Variants in CSMD1 observed in about 807,000 individuals in gnomAD.
The protein encoded by CSMD1 is CUB and sushi domain-containing protein 1.
CSMD1 carries 213 observed loss-of-function variants against 417.5 expected under a neutral mutation model. That is an observed-to-expected ratio of 0.51 (90% CI 0.46 to 0.57). The LOEUF is 0.57. Among genes scored for constraint, CSMD1 ranks in the 20% least tolerant of loss-of-function variants. The probability of loss-of-function intolerance (pLI) is 0.00; values close to 1 mark genes in which losing one functional copy is unlikely to be tolerated. For synonymous variants in CSMD1, 2,862 were observed against 1,736.8 expected (o/e 1.65, Z -16.11); for missense variants, 6,923 against 4,529.7 (o/e 1.53, Z -15.17).
chr8:4,839,522 G>A lies in CSMD1; in HGVS notation c.85+154810C>T, dbSNP rs542010111. ...AACTGTGATTTTTTCTGGGGCTCTG[G>A]GAGCAATTTCTTTTTCCACAAGAAT... On this transcript the variant is annotated intron_variant, in intron 1 of 69. Coordinates refer to ENST00000635120, the MANE Select transcript of CSMD1 (RefSeq NM_033225.6). Among the ~76,000 whole-genome samples, 37 of 152,164 alleles carry A rather than the reference G, an allele frequency of 2.4e-4. No individual in the cohort carries two copies. The South Asian group carries it at 7.1e-3, about 29-fold the overall frequency.
Position 3,819,663 on chromosome 8 carries a change from G to A in CSMD1, c.819-65621C>T, listed in dbSNP as rs1055433729. On this transcript the variant is annotated intron_variant, in intron 5 of 69. Transcript: ENST00000635120. ...CAGTGGAGCAATCATGACTCACTGC[G>A]GCCTTGGCCTACTGGGGGTCTTAGG... Among the ~76,000 whole-genome samples the A allele has an allele frequency of 7.2e-5, 11 of 151,998 alleles. No individual in the cohort carries two copies. The South Asian group carries it at 8.3e-4, about 11-fold the overall frequency.
At chr8:4,167,441 C>A (rs1289828817) in intron 3 of CSMD1, among the ~76,000 whole-genome samples, 1 of 152,098 alleles carries the variant, frequency 6.6e-6, no homozygotes, top group African/African-American at 2.4e-5. Context: ...GAAATGTTAA[C>A]ACACTGGAAT....
intron 41 of CSMD1, among the ~76,000 whole-genome samples, chr8:3,136,088 A>T (rs1370785057): frequency 6.6e-6 from 1 of 152,036 alleles, no homozygotes; most frequent in South Asian, 2.1e-4. Flanking sequence ...AACATCCTGG[A>T]TCTTTGTCCC....
intron 4 of CSMD1, among the ~76,000 whole-genome samples, chr8:3,999,991 G>C (rs1175983876): frequency 1.3e-5 from 2 of 152,230 alleles, no homozygotes; most frequent in Non-Finnish European, 2.9e-5. Flanking sequence ...CCACGGTAGT[G>C]TTTCCTTTTA....
chr8:4,420,345 G>A (rs894542644), intron 2 of CSMD1, among the ~76,000 whole-genome samples: 1 of 151,684 alleles, frequency 6.6e-6, no homozygotes, highest in African/African-American at 2.4e-5. Context: ...CTCGTTTTTG[G>A]ATGGCAATTA....
intron 13 of CSMD1, among the ~76,000 whole-genome samples, chr8:3,408,459 A>G (rs1250070640): frequency 6.6e-6 from 1 of 151,300 alleles, no homozygotes; most frequent in Non-Finnish European, 1.5e-5. Context: ...AATCAAGCAC[A>G]AGCGTGGTTC....
chr8:4,927,728 G>A lies in CSMD1; in HGVS notation c.85+66604C>T, dbSNP rs1227147259. ...TATGTCAGATGATACTTATCTGCAA[G>A]TTAACATAAATAGGACTTGGCAAAT... On this transcript the variant is annotated intron_variant, in intron 1 of 69. Transcript: ENST00000635120. 2.6e-5 allele frequency among the ~76,000 whole-genome samples: 4 copies of A among 152,130 alleles called. No homozygotes were observed. In the East Asian group the frequency reaches 7.7e-4, roughly 29 times the overall value.
At chr8:3,775,788 T>C (rs1359607082) in intron 5 of CSMD1, among the ~76,000 whole-genome samples, 1 of 152,230 alleles carries the variant, frequency 6.6e-6, no homozygotes, top group Non-Finnish European at 1.5e-5. Context: ...CCACGAAGCA[T>C]TGCTGGGTGC....
chr8:3,964,496 C>G (rs995139595), intron 5 of CSMD1, among the ~76,000 whole-genome samples: 4 of 152,144 alleles, frequency 2.6e-5, no homozygotes, highest in African/African-American at 7.2e-5. Flanking sequence ...TATTCTCTTT[C>G]TAGCCTGCCA....
chr8:3,563,246 C>G (rs183246744), intron 10 of CSMD1, among the ~76,000 whole-genome samples: 1 of 151,286 alleles, frequency 6.6e-6, no homozygotes, highest in African/African-American at 2.4e-5. Context: ...CCGCACAAAC[C>G]GGGATTTTAG....
chr8:4,451,399 G>A (rs925900446), intron 2 of CSMD1, among the ~76,000 whole-genome samples: 3 of 152,154 alleles, frequency 2.0e-5, no homozygotes, highest in Admixed American at 6.5e-5. Context: ...TATTGAACAT[G>A]TGCTATGATC....
chr8:4,945,933 C>A (rs1039192485), intron 1 of CSMD1, among the ~76,000 whole-genome samples: 1 of 152,100 alleles, frequency 6.6e-6, no homozygotes, highest in Non-Finnish European at 1.5e-5. Context: ...TATCAAACTC[C>A]GCTGGGAGCT....
At chr8:3,182,632 GTA>G (rs1554454475) in intron 36 of CSMD1, among the ~76,000 whole-genome samples, 2 of 44,428 alleles carry the variant, frequency 4.5e-5, no homozygotes, top group Non-Finnish European at 1.1e-4. Flanking sequence ...GTGTGTGTGT[GTA>G]TTGTTAGTAG....
chr8:2,989,075 C>G (rs1004840709), intron 54 of CSMD1, among the ~76,000 whole-genome samples: 1 of 152,184 alleles, frequency 6.6e-6, no homozygotes, highest in Admixed American at 6.5e-5. Context: ...GACAACAGCA[C>G]ATTTATGTGA....
At chr8:4,419,914 G>C (rs1465318285) in intron 3 of CSMD1, 39 bp downstream of exon 3, 6 of 1,275,732 alleles carry the variant, frequency 4.7e-6, no homozygotes, top group South Asian at 3.8e-5. Context: ...AGATCATTTG[G>C]ACAGTGAATG....
intron 25 of CSMD1, 104 bp from the exon 26 acceptor site, chr8:3,284,450 C>A: frequency 2.6e-6 from 2 of 773,494 alleles, no homozygotes; most frequent in Non-Finnish European, 4.3e-6. Context: ...CAACCCCCAC[C>A]AACATGTGCC....
At chr8:3,630,396 T>G (rs1030695459) in intron 7 of CSMD1, among the ~76,000 whole-genome samples, 1 of 152,148 alleles carries the variant, frequency 6.6e-6, no homozygotes, top group Non-Finnish European at 1.5e-5. Context: ...GACTGGAGTA[T>G]TCAAAGATCC....
chr8:4,348,560 C>T lies in CSMD1; in HGVS notation c.415+71393G>A, dbSNP rs376489880. ...TCACAAATAAAAGTGTGTGTGTGCA[C>T]ATGTGTGCATCTGTGTGTGTGTATG... On this transcript the variant is annotated intron_variant, in intron 3 of 69. Transcript: ENST00000635120. Among the ~76,000 whole-genome samples, 43 of 138,370 alleles carry T rather than the reference C, an allele frequency of 3.1e-4. No homozygotes were observed. In the East Asian group the frequency reaches 9.4e-3, roughly 30 times the overall value. 90.8% of individuals were successfully genotyped at this position (138,370 alleles called of 152,430 possible). A position where few individuals can be genotyped will look rare whatever the true frequency, so the allele number is the denominator to read the frequency against.
intron 5 of CSMD1, among the ~76,000 whole-genome samples, chr8:3,779,994 T>A (rs1799089652): frequency 6.6e-6 from 1 of 152,224 alleles, no homozygotes. Context: ...ACTTCCAAGC[T>A]CCTTTTCCTA....
Sources: gnomAD v4.1 joint callset for allele counts (sites outside exome capture counted in the v4.1 genomes callset) on GRCh38, gnomAD v4.1.1 for gene constraint, MANE v1.5 for transcripts, NCBI Gene and HGNC (gene_info 2026-07-23, HGNC 2026-07-21) for gene names.